CERS1: variants seen among roughly 807,000 people sequenced by gnomAD.
CERS1 encodes the protein ceramide synthase 1.
CERS1 carries 16 observed loss-of-function variants against 35.7 expected under a neutral mutation model. The observed-to-expected ratio is 0.45, with a 90% CI of 0.30 to 0.68. CERS1 has a LOEUF of 0.68. CERS1 is among the 30% of genes least tolerant of loss of function. The pLI is 0.08. For synonymous variants in CERS1, 243 were observed against 201.6 expected (o/e 1.21, Z -1.74); for missense variants, 454 against 453.9 (o/e 1.00, Z 0.00).
chr19:18,871,538 ATTG>A (rs2055971137), intron 6 of CERS1, among the ~76,000 whole-genome samples: 1 of 151,904 alleles, frequency 6.6e-6, no homozygotes, highest in African/African-American at 2.4e-5. Context: ...AACTTTTTTT[ATTG>A]TTTGTTGAGA....
At chr19:18,869,799 A>T (rs1301990384) in intron 7 of CERS1, among the ~76,000 whole-genome samples, 184 bp downstream of exon 7, 1 of 152,060 alleles carries the variant, frequency 6.6e-6, no homozygotes, top group East Asian at 1.9e-4. Flanking sequence ...ACCCCCTGAC[A>T]TGTGTCCCCG....
At chr19:18,879,130 C>A in intron 5 of CERS1, 91 bp from the exon 6 acceptor site, 1 of 1,586,078 alleles carries the variant, frequency 6.3e-7, no homozygotes, top group Admixed American at 1.8e-5. Context: ...GGGCCCTCCA[C>A]ACGGGCTGTC....
At chr19:18,891,115 C>T (rs2056479558) in intron 2 of CERS1, among the ~76,000 whole-genome samples, 1 of 148,716 alleles carries the variant, frequency 6.7e-6, no homozygotes. Flanking sequence ...CAGAGTGAGA[C>T]TGTCTCAAAA....
intron 2 of CERS1, among the ~76,000 whole-genome samples, chr19:18,891,184 G>A (rs2056481785): frequency 6.6e-6 from 1 of 152,050 alleles, no homozygotes; most frequent in Non-Finnish European, 1.5e-5. Flanking sequence ...GGAAAACTGA[G>A]CAACAGCTAA....
chr19:18,873,973 G>A (rs777087307), intron 6 of CERS1, among the ~76,000 whole-genome samples: 32 of 152,206 alleles, frequency 2.1e-4, no homozygotes, highest in Non-Finnish European at 3.7e-4. Flanking sequence ...GTTTGAGGAG[G>A]ACCCAGGAGG....
At chr19:18,887,744 C>CAAA (rs201962831) in intron 2 of CERS1, among the ~76,000 whole-genome samples, 3 of 104,040 alleles carry the variant, frequency 2.9e-5, no homozygotes, top group Non-Finnish European at 5.8e-5. Flanking sequence ...AACTCCATCT[C>CAAA]AAAAAAAAAA....
intron 6 of CERS1, among the ~76,000 whole-genome samples, chr19:18,872,340 CT>C (rs1302537279): frequency 6.6e-6 from 1 of 152,042 alleles, no homozygotes; most frequent in Non-Finnish European, 1.5e-5. Context: ...TCTCTGTTAT[CT>C]TTTTTTCTTG....
chr19:18,884,284 C>A lies in CERS1; in HGVS notation c.410-17G>T, dbSNP rs1050558355. 8 of 1,603,882 alleles carry A rather than the reference C, an allele frequency of 5.0e-6. No homozygotes were observed. In the Admixed American group the frequency reaches 1.4e-4, roughly 27 times the overall value. ...GCGTCCAGTCTGGGGAGAGCCAAAT[C>A]TCACAGTCAGGGCCCTGCGAAGCCT... On this transcript the variant is annotated splice_polypyrimidine_tract_variant and intron_variant, in intron 2 of 7. Coordinates refer to ENST00000623882, the MANE Select transcript of CERS1 (RefSeq NM_021267.5).
At chr19:18,891,268 T>C (rs2056484164) in intron 2 of CERS1, among the ~76,000 whole-genome samples, 1 of 152,168 alleles carries the variant, frequency 6.6e-6, no homozygotes, top group Non-Finnish European at 1.5e-5. Flanking sequence ...CACTGTACAC[T>C]CTGGGCTCCG....
intron 6 of CERS1, among the ~76,000 whole-genome samples, chr19:18,875,251 A>T (rs1433477887): frequency 6.8e-6 from 1 of 147,872 alleles, no homozygotes; most frequent in Non-Finnish European, 1.5e-5. Flanking sequence ...AAAAAAAAAG[A>T]AAGAAAGAAA....
chr19:18,868,687 C>A lies in CERS1; in HGVS notation c.*1298G>T, dbSNP rs748808313. ...TGTCAAAGAAGAGCACGGAGATGGG[C>A]GACAGGCGCGCGGGCACGCAGCAGG... On this transcript the variant is annotated 3_prime_UTR_variant, in exon 8 of 8. Transcript: ENST00000623882. 2 of 1,564,316 alleles carry A rather than the reference C, an allele frequency of 1.3e-6. No homozygotes were observed. The highest frequency in any genetic ancestry group is 2.4e-5 in the East Asian group (1 of 42,324).
chr19:18,895,210 A>G lies in CERS1; in HGVS notation c.249+614T>C, dbSNP rs968110354. ...TCGGAGGGTGGCGCTGACCCCAGAT[A>G]GGCACAAGGCAGCGACCGGGCAGCT... is the stretch of plus-strand genomic sequence containing the variant. On this transcript the variant is annotated intron_variant, in intron 1 of 7. Transcript: ENST00000623882. The surrounding 1 kb of genome is among the most constrained non-coding windows in gnomAD (Gnocchi z 6.4). Among the ~76,000 whole-genome samples, 1 of 152,210 alleles carries G rather than the reference A, an allele frequency of 6.6e-6. No individual in the cohort carries two copies. Among genetic ancestry groups the G allele is most frequent in the Non-Finnish European group, 1.5e-5 (1 of 68,034 alleles).
intron 2 of CERS1, 127 bp from the exon 3 acceptor site, chr19:18,884,394 G>C: frequency 1.3e-6 from 1 of 755,614 alleles, no homozygotes; most frequent in Non-Finnish European, 2.0e-6. Context: ...GTGTCTGACT[G>C]CTGGCTTTCC....
At chr19:18,883,422 C>T (rs907692855) in intron 3 of CERS1, 2 of 152,282 alleles carry the variant, frequency 1.3e-5, no homozygotes, top group East Asian at 1.9e-4. Flanking sequence ...AATCCCCACA[C>T]TTCGGGGAGC....
At chr19:18,892,497 C>G (rs1024670559) in intron 2 of CERS1, among the ~76,000 whole-genome samples, 2 of 151,952 alleles carry the variant, frequency 1.3e-5, no homozygotes, top group Admixed American at 6.5e-5. Context: ...GCCTGTGGTC[C>G]CAGCTACTCA....
At chr19:18,887,427 AG>A (rs1396445706) in intron 2 of CERS1, among the ~76,000 whole-genome samples, 1 of 152,118 alleles carries the variant, frequency 6.6e-6, no homozygotes, top group Non-Finnish European at 1.5e-5. Flanking sequence ...ACCTAGACAG[AG>A]GGGGTGGTTG....
rs756220751 is a variant in CERS1, at chr19:18,880,334, G to A, written c.692C>T (p.Ser231Phe). ...LNIYFKSRGG[S>F]YHRLHALAAD... is the part of the protein sequence containing the mutation. The stretch of plus-strand genomic sequence containing the variant: ...TGCCAAGGCATGCAGCCGATGGTAG[G>A]AGCCGCCGCGGGACTTGAAGTAAAT... The change falls in exon 4 of 8, where the codon TCC becomes TTC. Residue 231 changes from serine to phenylalanine, a missense_variant. Transcript: ENST00000623882. The A allele has an allele frequency of 1.9e-6, 3 of 1,555,656 alleles. No individual in the cohort carries two copies. Among genetic ancestry groups the A allele is most frequent in the Non-Finnish European group, 2.6e-6 (3 of 1,149,760 alleles).
In CERS1 at chr19:18,868,571, G is replaced by A; in HGVS notation, c.*1414C>T. 6.6e-7 allele frequency: 1 copy of A among 1,509,264 alleles called. No individual in the cohort carries two copies. The highest frequency in any genetic ancestry group is 9.0e-7 in the Non-Finnish European group (1 of 1,110,380). 93.5% of individuals were successfully genotyped at this position (1,509,264 alleles called of 1,614,324 possible). A position where few individuals can be genotyped will look rare whatever the true frequency, so the allele number is the denominator to read the frequency against. ...AGCAGACCACGCGGCATTTATTGTT[G>A]GGCCCGCGTCCCTGCCCGCCCCGGG... On this transcript the variant is annotated 3_prime_UTR_variant, in exon 8 of 8. Coordinates refer to ENST00000623882, the MANE Select transcript of CERS1 (RefSeq NM_021267.5).
chr19:18,876,587 A>G (rs2146002792), intron 6 of CERS1, among the ~76,000 whole-genome samples: 1 of 146,808 alleles, frequency 6.8e-6, no homozygotes, highest in African/African-American at 2.5e-5. Context: ...ATATCCCTAT[A>G]TTGCCCAGGC....
Sources: allele counts gnomAD v4.1 joint callset (sites outside exome capture counted in the v4.1 genomes callset), GRCh38; gene constraint gnomAD v4.1.1; non-coding constraint Gnocchi (gnomAD v3.1); transcripts MANE v1.5; gene names NCBI Gene and HGNC (gene_info 2026-07-23, HGNC 2026-07-21).